The following STX18 variants were observed in gnomAD, a reference collection of about 807,000 sequenced individuals.
STX18 encodes the protein syntaxin 18.
STX18 carries 40 observed loss-of-function variants against 50.1 expected under a neutral mutation model. That is an observed-to-expected ratio of 0.80 (90% CI 0.62 to 1.04). The LOEUF is 1.04. STX18 is among the 50% of genes least tolerant of loss of function. The pLI is 0.00. For missense variants in STX18, 410 were observed against 415.8 expected (o/e 0.99, Z 0.12); for synonymous variants, 158 against 151.8 (o/e 1.04, Z -0.30).
At chr4:4,454,666 A>G (rs1726972674) in intron 5 of STX18, among the ~76,000 whole-genome samples, 1 of 152,104 alleles carries the variant, frequency 6.6e-6, no homozygotes, top group African/African-American at 2.4e-5. Context: ...CTATCTCTCT[A>G]ATTCACACAC....
At chr4:4,440,303 G>C (rs192967620) in intron 5 of STX18, among the ~76,000 whole-genome samples, 80 of 152,296 alleles carry the variant, frequency 5.3e-4, no homozygotes, top group Non-Finnish European at 8.7e-4. Flanking sequence ...TAAGCAATTT[G>C]TATGGATAAA....
intron 2 of STX18, among the ~76,000 whole-genome samples, chr4:4,469,173 A>C (rs1727782628): frequency 6.6e-6 from 1 of 152,212 alleles, no homozygotes; most frequent in Non-Finnish European, 1.5e-5. Context: ...CGCAGAGTAA[A>C]AGGTGAGGAA....
intron 1 of STX18, among the ~76,000 whole-genome samples, chr4:4,513,656 T>TA (rs1730107418): frequency 6.6e-6 from 1 of 152,160 alleles, no homozygotes; most frequent in Admixed American, 6.5e-5. Flanking sequence ...ATCAGGTTAG[T>TA]AAAAATCACA....
chr4:4,455,078 A>C (rs1726995045), intron 5 of STX18, among the ~76,000 whole-genome samples: 1 of 152,220 alleles, frequency 6.6e-6, no homozygotes, highest in Non-Finnish European at 1.5e-5. Flanking sequence ...AAAGTCACAC[A>C]GTTTGAAAGT....
At chr4:4,484,629 G>A (rs539881907) in intron 1 of STX18, among the ~76,000 whole-genome samples, 2 of 152,226 alleles carry the variant, frequency 1.3e-5, no homozygotes, top group South Asian at 2.1e-4. Context: ...AACTAGTCAC[G>A]AACACCCTAA....
chr4:4,487,225 T>A (rs1728737754), intron 1 of STX18, among the ~76,000 whole-genome samples: 1 of 152,164 alleles, frequency 6.6e-6, no homozygotes, highest in African/African-American at 2.4e-5. Flanking sequence ...CTGCTGGCCA[T>A]CAGTGGGGGT....
At chr4:4,429,500 G>A (rs1039456350) in intron 7 of STX18, among the ~76,000 whole-genome samples, 7 of 152,188 alleles carry the variant, frequency 4.6e-5, no homozygotes, top group Admixed American at 2.6e-4. Context: ...AAGAAAAGCT[G>A]AGGAGCACAG....
intron 8 of STX18, among the ~76,000 whole-genome samples, chr4:4,424,318 G>A (rs778121929): frequency 6.6e-6 from 1 of 152,192 alleles, no homozygotes; most frequent in African/African-American, 2.4e-5. Flanking sequence ...GCAAAAAGTG[G>A]TGGGAGCTGA....
At chr4:4,479,982 A>G (rs1311545547) in intron 1 of STX18, among the ~76,000 whole-genome samples, 2 of 152,228 alleles carry the variant, frequency 1.3e-5, no homozygotes, top group South Asian at 2.1e-4. Flanking sequence ...TCCCATAAGC[A>G]TATTACCTAG....
intron 6 of STX18, among the ~76,000 whole-genome samples, chr4:4,436,784 C>A (rs569123319): frequency 4.3e-4 from 65 of 152,292 alleles, no homozygotes; most frequent in Admixed American, 4.1e-3. Flanking sequence ...AGCTTACTCC[C>A]ACCTCTCCTC....
At chr4:4,474,581 T>C (rs1728080837) in intron 1 of STX18, among the ~76,000 whole-genome samples, 1 of 152,120 alleles carries the variant, frequency 6.6e-6, no homozygotes, top group Admixed American at 6.6e-5. Flanking sequence ...CAGCTGACCT[T>C]AAAGTAGAGA....
At chr4:4,439,502 AC>A (rs1577323529) in intron 5 of STX18, among the ~76,000 whole-genome samples, 2 of 139,414 alleles carry the variant, frequency 1.4e-5, no homozygotes, top group South Asian at 2.5e-4. Context: ...ACTCATATAT[AC>A]CCCCACATAT....
At chr4:4,459,578 T>C in intron 2 of STX18, 91 bp from the exon 3 acceptor site, 1 of 890,080 alleles carries the variant, frequency 1.1e-6, no homozygotes, top group Non-Finnish European at 1.8e-6. Flanking sequence ...GCCTCCCTGA[T>C]CAGGTGACAT....
intron 2 of STX18, among the ~76,000 whole-genome samples, chr4:4,468,747 T>C (rs1213591863): frequency 6.6e-6 from 1 of 152,176 alleles, no homozygotes; most frequent in Non-Finnish European, 1.5e-5. Flanking sequence ...ACCTACCATT[T>C]GTATGACCCA....
At chr4:4,468,425 G>A (rs1315328454) in intron 2 of STX18, among the ~76,000 whole-genome samples, 1 of 152,076 alleles carries the variant, frequency 6.6e-6, no homozygotes, top group East Asian at 1.9e-4. Flanking sequence ...CCCGGCCATT[G>A]CTGACATGTC....
At chr4:4,472,998 T>C (rs1217810710) in intron 1 of STX18, among the ~76,000 whole-genome samples, 15 of 152,176 alleles carry the variant, frequency 9.9e-5, no homozygotes, top group African/African-American at 2.9e-4. Context: ...ATTTCACAGA[T>C]AGCAAATCAG....
chr4:4,471,965 G>A (rs944857371), intron 1 of STX18, among the ~76,000 whole-genome samples: 4 of 152,180 alleles, frequency 2.6e-5, no homozygotes, highest in East Asian at 1.9e-4. Flanking sequence ...AGTTAAAGAC[G>A]AAATGAGATA....
chr4:4,532,842 A>G (rs1731163712), intron 1 of STX18, among the ~76,000 whole-genome samples: 1 of 152,042 alleles, frequency 6.6e-6, no homozygotes. Context: ...TGCTGGAGAA[A>G]ATGTCCAAGA....
At chr4:4,541,683 T>TA in intron 1 of STX18, 114 bp downstream of exon 1, 1 of 1,254,274 alleles carries the variant, frequency 8.0e-7, no homozygotes, top group South Asian at 1.5e-5. Context: ...CTGTCCCCCT[T>TA]AGAGCCACCC....
Sources: allele counts gnomAD v4.1 joint callset (sites outside exome capture counted in the v4.1 genomes callset), GRCh38; gene constraint gnomAD v4.1.1; transcripts MANE v1.5; gene names NCBI Gene and HGNC (gene_info 2026-07-23, HGNC 2026-07-21).